FRMD5: variants seen among roughly 807,000 people sequenced by gnomAD.
FRMD5 encodes the protein FERM domain containing 5, also known as FERM domain-containing protein 5.
A neutral mutation model predicts 69.0 loss-of-function variants in FRMD5; 20 were observed. The ratio of observed to expected loss-of-function variants is 0.29; its 90% CI spans 0.20 to 0.42. The LOEUF (loss-of-function observed/expected upper bound fraction) is 0.42, where lower values mean the gene tolerates loss of function less well. FRMD5 is among the 10% of genes least tolerant of loss of function. FRMD5 has a pLI of 1.00. For missense variants in FRMD5, 595 were observed against 708.6 expected (o/e 0.84, Z 1.82); for synonymous variants, 271 against 260.1 (o/e 1.04, Z -0.40).
rs1056530582 is a variant in FRMD5 at position 44,065,168 on chromosome 15, C to T, written c.102+129785G>A. On this transcript the variant is annotated intron_variant, in intron 1 of 13. Coordinates refer to ENST00000417257, the MANE Select transcript of FRMD5 (RefSeq NM_032892.5). ...TCACAAAGTTGCTATGAGAATTAAACGAAATAATGAATATACAGTACTTAG... is the reference window on the plus strand; with the variant it reads ...TCACAAAGTTGCTATGAGAATTAAATGAAATAATGAATATACAGTACTTAG... Among the ~76,000 whole-genome samples, 9 of 152,270 alleles carry T rather than the reference C, an allele frequency of 5.9e-5. No homozygotes were observed. The South Asian group carries it at 6.2e-4, about 11-fold the overall frequency.
rs529940390 is a variant in FRMD5, at chr15:43,926,429, G to T, written c.103-2120C>A. On this transcript the variant is annotated intron_variant, in intron 1 of 13. Transcript: ENST00000417257. ...CTCAGAAATTGAGGTTGTAAGATAAGATCCAAAGATCTCTCCTGTGCCAAG... is the reference window on the plus strand; with the variant it reads ...CTCAGAAATTGAGGTTGTAAGATAATATCCAAAGATCTCTCCTGTGCCAAG... 2.0e-4 allele frequency among the ~76,000 whole-genome samples: 30 copies of T among 152,298 alleles called. No homozygotes were observed. In the South Asian group the frequency reaches 5.8e-3, roughly 29 times the overall value.
At chr15:43,970,697 T>C (rs919577140) in intron 1 of FRMD5, among the ~76,000 whole-genome samples, 1 of 152,184 alleles carries the variant, frequency 6.6e-6, no homozygotes, top group Non-Finnish European at 1.5e-5. Context: ...CCTCGAGTGA[T>C]ATGCCTTGGC....
intron 1 of FRMD5, among the ~76,000 whole-genome samples, chr15:44,062,169 T>C (rs1595683026): frequency 6.6e-6 from 1 of 152,334 alleles, no homozygotes; most frequent in African/African-American, 2.4e-5. Context: ...TTTTCTTGTG[T>C]GGTGATGCCT....
intron 1 of FRMD5, among the ~76,000 whole-genome samples, chr15:44,038,202 A>G (rs925912288): frequency 6.6e-6 from 1 of 152,084 alleles, no homozygotes; most frequent in African/African-American, 2.4e-5. Context: ...CCTTTGTCAG[A>G]TGGATAGATT....
chr15:43,979,498 T>A (rs1330958705), intron 1 of FRMD5, among the ~76,000 whole-genome samples: 1 of 152,206 alleles, frequency 6.6e-6, no homozygotes, highest in Non-Finnish European at 1.5e-5. Context: ...GAACTCGGTC[T>A]TATAAGGCTT....
chr15:43,948,129 C>T (rs11630936), intron 1 of FRMD5, among the ~76,000 whole-genome samples: 15,213 of 152,242 alleles, frequency 0.1, 1,155 homozygotes, highest in African/African-American at 0.2. Context: ...ACAGAGAAAG[C>T]AGGCAAACTT....
chr15:44,002,957 T>C (rs907691660), intron 1 of FRMD5, among the ~76,000 whole-genome samples: 9 of 152,144 alleles, frequency 5.9e-5, no homozygotes, highest in Non-Finnish European at 1.3e-4. Flanking sequence ...ACTTTACTTA[T>C]GTGCTCAGTC....
chr15:44,144,706 A>G lies in FRMD5; in HGVS notation c.102+50247T>C, dbSNP rs2077329039. Among the ~76,000 whole-genome samples, 2 of 152,230 alleles carry G rather than the reference A, an allele frequency of 1.3e-5. 1 individual carries two copies. The highest frequency in any genetic ancestry group is 4.1e-4 in the South Asian group (2 of 4,834). On this transcript the variant is annotated intron_variant, in intron 1 of 13. Transcript: ENST00000417257. The stretch of plus-strand genomic sequence containing the variant: ...TAAACTGATGTTCAAACACTTGCAT[A>G]ATTCATAAATATGCCATTGTTATAC...
intron 1 of FRMD5, among the ~76,000 whole-genome samples, chr15:44,039,526 C>A (rs1464464048): frequency 1.3e-5 from 2 of 152,182 alleles, no homozygotes; most frequent in Admixed American, 1.3e-4. Context: ...AATACTCAGG[C>A]AAACAGGGTC....
rs545798605 is a variant in FRMD5 at position 43,970,858 on chromosome 15, T to C, written c.103-46549A>G. On this transcript the variant is annotated intron_variant, in intron 1 of 13. Coordinates refer to ENST00000417257, the MANE Select transcript of FRMD5 (RefSeq NM_032892.5). ...TGCACTCTGTTTGGGTAGCATATTA[T>C]AGTAATATGATAAAAGAAATGAGAA... Among the ~76,000 whole-genome samples, 3 of 152,278 alleles carry C rather than the reference T, an allele frequency of 2.0e-5. No individual in the cohort carries two copies. The East Asian group carries it at 5.8e-4, about 29-fold the overall frequency.
intron 1 of FRMD5, among the ~76,000 whole-genome samples, chr15:44,151,976 G>A (rs376995590): frequency 3.3e-5 from 5 of 152,200 alleles, no homozygotes; most frequent in Non-Finnish European, 5.9e-5. Context: ...TTAGGAGGCC[G>A]CGGTGGGCAG....
chr15:43,941,760 G>A (rs915509285), intron 1 of FRMD5, among the ~76,000 whole-genome samples: 3 of 152,148 alleles, frequency 2.0e-5, no homozygotes, highest in African/African-American at 7.2e-5. Context: ...AAGGGCGGGG[G>A]GGCGTTGCTC....
chr15:43,944,507 C>T (rs1227332406), intron 1 of FRMD5, among the ~76,000 whole-genome samples: 1 of 152,182 alleles, frequency 6.6e-6, no homozygotes, highest in Non-Finnish European at 1.5e-5. Flanking sequence ...CTGCAACCTC[C>T]ACCTCCCGAA....
At chr15:44,012,674 C>A (rs530639035) in intron 1 of FRMD5, among the ~76,000 whole-genome samples, 4 of 151,398 alleles carry the variant, frequency 2.6e-5, no homozygotes, top group Admixed American at 2.0e-4. Flanking sequence ...ACAGGGGGTA[C>A]ACTTGCAGGG....
intron 1 of FRMD5, among the ~76,000 whole-genome samples, chr15:44,069,445 A>C (rs1367788502): frequency 2.0e-5 from 3 of 152,222 alleles, no homozygotes; most frequent in Non-Finnish European, 4.4e-5. Flanking sequence ...TCAACAGGTA[A>C]AGGTTAAACA....
At chr15:44,189,368 C>A (rs990023797) in intron 1 of FRMD5, among the ~76,000 whole-genome samples, 1 of 152,082 alleles carries the variant, frequency 6.6e-6, no homozygotes, top group African/African-American at 2.4e-5. Flanking sequence ...ATTTAAATTT[C>A]TCTGAGACAG....
At chr15:43,990,925 C>A (rs1889644413) in intron 1 of FRMD5, among the ~76,000 whole-genome samples, 1 of 152,148 alleles carries the variant, frequency 6.6e-6, no homozygotes, top group Non-Finnish European at 1.5e-5. Flanking sequence ...AAACAAAAAC[C>A]AATTTTAACT....
chr15:44,088,279 T>C, intron 1 of FRMD5, among the ~76,000 whole-genome samples: 1 of 152,170 alleles, frequency 6.6e-6, no homozygotes, highest in East Asian at 1.9e-4. Flanking sequence ...AGAAACCATG[T>C]GCCCATTAGC....
intron 1 of FRMD5, chr15:43,990,203 G>A (rs964439439): frequency 6.5e-6 from 3 of 462,820 alleles, no homozygotes; most frequent in African/African-American, 2.0e-5. Context: ...GGCGGCGGGT[G>A]TGGACGGGTG....
Sources: allele counts gnomAD v4.1 joint callset (sites outside exome capture counted in the v4.1 genomes callset), GRCh38; gene constraint gnomAD v4.1.1; transcripts MANE v1.5; gene names NCBI Gene and HGNC (gene_info 2026-07-23, HGNC 2026-07-21).